The following ADAMTS17 variants were observed in gnomAD, a reference collection of about 807,000 sequenced individuals.
ADAMTS17 encodes the protein ADAM metallopeptidase with thrombospondin type 1 motif 17.
ADAMTS17 carries 113 observed loss-of-function variants against 141.5 expected under a neutral mutation model. The ratio of observed to expected loss-of-function variants is 0.80; its 90% CI spans 0.69 to 0.93. The LOEUF is 0.93. Ranked by LOEUF, ADAMTS17 falls within the 40% of genes least tolerant of loss-of-function variation. ADAMTS17 has a pLI of 0.00. For missense variants in ADAMTS17, 1,659 were observed against 1,517.9 expected (o/e 1.09, Z -1.54); for synonymous variants, 768 against 630.6 (o/e 1.22, Z -3.27).
chr15:100,024,355 C>A (rs2061466607), intron 18 of ADAMTS17, among the ~76,000 whole-genome samples: 1 of 152,214 alleles, frequency 6.6e-6, no homozygotes, highest in Admixed American at 6.5e-5. Flanking sequence ...CTTGGCCTCC[C>A]AAAGTGCTAA....
intron 13 of ADAMTS17, among the ~76,000 whole-genome samples, chr15:100,113,635 C>G (rs1213218726): frequency 6.6e-6 from 1 of 152,246 alleles, no homozygotes; most frequent in Non-Finnish European, 1.5e-5. Flanking sequence ...GAAAGCCAGT[C>G]TGCAGTGGGT....
intron 7 of ADAMTS17, among the ~76,000 whole-genome samples, chr15:100,250,578 C>G (rs1263431931): frequency 6.6e-6 from 1 of 152,184 alleles, no homozygotes; most frequent in Admixed American, 6.5e-5. Context: ...TCTCAAGAGG[C>G]AGTCCGAGGG....
At chr15:100,332,606 C>CA (rs2046089333) in intron 2 of ADAMTS17, among the ~76,000 whole-genome samples, 1 of 152,258 alleles carries the variant, frequency 6.6e-6, no homozygotes. Context: ...GCATAAAAAG[C>CA]AGTCAGCTGT....
At chr15:100,227,116 C>G (rs2042334606) in intron 7 of ADAMTS17, among the ~76,000 whole-genome samples, 1 of 152,200 alleles carries the variant, frequency 6.6e-6, no homozygotes, top group South Asian at 2.1e-4. Flanking sequence ...CACCTCTGAG[C>G]ACTGATGAAC....
intron 3 of ADAMTS17, among the ~76,000 whole-genome samples, chr15:100,310,448 G>C (rs2045366870): frequency 6.6e-6 from 1 of 152,230 alleles, no homozygotes; most frequent in South Asian, 2.1e-4. Flanking sequence ...GGCCCAGCAG[G>C]CCAAGCACTG....
chr15:100,303,490 T>C (rs1055166946), intron 3 of ADAMTS17, among the ~76,000 whole-genome samples: 5 of 151,948 alleles, frequency 3.3e-5, no homozygotes, highest in African/African-American at 1.2e-4. Flanking sequence ...TATATTTTCT[T>C]TGGTTGCTTG....
intron 21 of ADAMTS17, among the ~76,000 whole-genome samples, chr15:99,975,226 T>A (rs1382279928): frequency 6.6e-6 from 1 of 152,234 alleles, no homozygotes; most frequent in Admixed American, 6.5e-5. Flanking sequence ...TTGTTTTTTG[T>A]TGAGATGGAG....
rs1031683713 is a variant in ADAMTS17, at chr15:100,070,767, C to T, written c.2138-16713G>A. On this transcript the variant is annotated intron_variant, in intron 15 of 21. Coordinates refer to ENST00000268070, the MANE Select transcript of ADAMTS17 (RefSeq NM_139057.4). Reference sequence around the variant, plus strand: ...AGTGTGTAGAGGGAAATTTATAGCACTAAATGCCCACAAGAGAAAGCAGGA... The same window carrying T: ...AGTGTGTAGAGGGAAATTTATAGCATTAAATGCCCACAAGAGAAAGCAGGA... 3.3e-5 allele frequency among the ~76,000 whole-genome samples: 5 copies of T among 149,402 alleles called. 1 individual carries two copies. In the Admixed American group the frequency reaches 3.4e-4, roughly 10 times the overall value.
chr15:100,119,160 C>T (rs2037320896), intron 12 of ADAMTS17, among the ~76,000 whole-genome samples: 1 of 151,600 alleles, frequency 6.6e-6, no homozygotes, highest in African/African-American at 2.4e-5. Flanking sequence ...TCACAGTGCT[C>T]AGGAGAAACC....
intron 15 of ADAMTS17, among the ~76,000 whole-genome samples, chr15:100,061,503 G>A (rs1476583979): frequency 6.6e-6 from 1 of 152,214 alleles, no homozygotes; most frequent in Non-Finnish European, 1.5e-5. Flanking sequence ...GTTCTCCTGG[G>A]TGGCACCTGC....
At chr15:100,281,196 C>G in intron 4 of ADAMTS17, 33 bp downstream of exon 4, 1 of 1,599,738 alleles carries the variant, frequency 6.3e-7, no homozygotes, top group South Asian at 1.1e-5. Context: ...GAAAACAGAG[C>G]CCCCCACATC....
At chr15:100,043,529 G>A (rs1000307055) in intron 18 of ADAMTS17, among the ~76,000 whole-genome samples, 1 of 152,126 alleles carries the variant, frequency 6.6e-6, no homozygotes, top group Admixed American at 6.6e-5. Context: ...TATCTCAGTG[G>A]GCAAAACGGG....
intron 4 of ADAMTS17, among the ~76,000 whole-genome samples, chr15:100,277,219 T>C (rs1313706517): frequency 6.6e-6 from 1 of 151,978 alleles, no homozygotes; most frequent in Non-Finnish European, 1.5e-5. Flanking sequence ...TAGCCCCGGG[T>C]CTGCCCTCAG....
Position 100,170,607 on chromosome 15 carries a change from AAAC to A in ADAMTS17, c.1182-15290_1182-15288del, listed in dbSNP as rs200748746. 9.4e-3 allele frequency among the ~76,000 whole-genome samples: 1,435 copies of A among 152,336 alleles called. 21 individuals are homozygous for A. Among genetic ancestry groups the A allele is most frequent in the African/African-American group, 0.032 (1,335 of 41,570 alleles). ...TGGTAAACCTCACAGTCAGCTCTCA[AAAC>A]AACATCTTTTAAAAGTGTTTATTCA... On this transcript the variant is annotated intron_variant, in intron 8 of 21. Transcript: ENST00000268070.
chr15:100,234,851 C>T (rs1370425807), intron 7 of ADAMTS17, among the ~76,000 whole-genome samples: 1 of 152,190 alleles, frequency 6.6e-6, no homozygotes, highest in Non-Finnish European at 1.5e-5. Context: ...CCCTCCACAG[C>T]CTATGCACAG....
chr15:100,084,497 G>A (rs993600143), intron 15 of ADAMTS17, among the ~76,000 whole-genome samples: 11 of 152,218 alleles, frequency 7.2e-5, no homozygotes, highest in African/African-American at 1.9e-4. Context: ...GAGAGTAGTA[G>A]TTCTCCCAGC....
intron 3 of ADAMTS17, among the ~76,000 whole-genome samples, chr15:100,304,289 C>T (rs1368406059): frequency 1.3e-5 from 2 of 152,176 alleles, no homozygotes; most frequent in Admixed American, 1.3e-4. Flanking sequence ...TCTGGGACCC[C>T]GTAACATGGA....
chr15:99,983,404 C>A (rs1189923251), intron 20 of ADAMTS17, among the ~76,000 whole-genome samples: 1 of 151,778 alleles, frequency 6.6e-6, no homozygotes, highest in Non-Finnish European at 1.5e-5. Context: ...TGCCCCCCAC[C>A]TGCCCGTACC....
chr15:99,999,216 AG>A (rs1182561883), intron 18 of ADAMTS17, among the ~76,000 whole-genome samples: 1 of 152,132 alleles, frequency 6.6e-6, no homozygotes, highest in Non-Finnish European at 1.5e-5. Context: ...TTACATTCTG[AG>A]GGGGGCAGAC....
Sources: allele counts gnomAD v4.1 joint callset (sites outside exome capture counted in the v4.1 genomes callset), GRCh38; gene constraint gnomAD v4.1.1; transcripts MANE v1.5; gene names NCBI Gene and HGNC (gene_info 2026-07-23, HGNC 2026-07-21).